Variants in ZNF383 observed in about 807,000 individuals in gnomAD.
ZNF383 encodes zinc finger protein 383.
A neutral mutation model predicts 44.2 loss-of-function variants in ZNF383; 32 were observed. The ratio of observed to expected loss-of-function variants is 0.72; its 90% CI spans 0.55 to 0.97. ZNF383 has a LOEUF of 0.97. ZNF383 is among the 50% of genes least tolerant of loss of function. The pLI, the probability that ZNF383 is intolerant of heterozygous loss-of-function variation, is 0.00. For synonymous variants in ZNF383, 155 were observed against 186.2 expected (o/e 0.83, Z 1.36); for missense variants, 487 against 562.5 (o/e 0.87, Z 1.36).
intron 3 of ZNF383, among the ~76,000 whole-genome samples, chr19:37,234,498 C>T (rs980509038): frequency 1.3e-5 from 2 of 152,188 alleles, no homozygotes; most frequent in African/African-American, 4.8e-5. Flanking sequence ...ACGCCACTCT[C>T]CTGCCTCAGC....
chr19:37,229,444 G>C (rs566520502), intron 2 of ZNF383, among the ~76,000 whole-genome samples: 1 of 146,652 alleles, frequency 6.8e-6, no homozygotes, highest in African/African-American at 2.5e-5. Context: ...CAGGCTGTGA[G>C]CCACTGCACC....
intron 2 of ZNF383, among the ~76,000 whole-genome samples, chr19:37,227,365 C>T (rs758342134): frequency 5.2e-4 from 79 of 152,142 alleles, no homozygotes; most frequent in Non-Finnish European, 1.5e-4. Flanking sequence ...CAGCCTGCCT[C>T]GGCCTCCCAA....
intron 2 of ZNF383, chr19:37,225,273 T>C (rs1973104326): frequency 6.6e-6 from 1 of 152,014 alleles, no homozygotes. Flanking sequence ...TTTGTATTTT[T>C]AGTAGAGACA....
At chr19:37,221,909 T>C (rs1235078141) in intron 1 of ZNF383, among the ~76,000 whole-genome samples, 2 of 150,450 alleles carry the variant, frequency 1.3e-5, no homozygotes, top group African/African-American at 2.5e-5. Flanking sequence ...TGAGCCAAGA[T>C]TGTGCCACCG....
chr19:37,242,388 TTA>T, intron 5 of ZNF383, 79 bp from the exon 6 acceptor site: 1 of 914,848 alleles, frequency 1.1e-6, no homozygotes, highest in Non-Finnish European at 1.6e-6. Flanking sequence ...TATTCTTACT[TTA>T]ATTTTTCCAT....
intron 5 of ZNF383, among the ~76,000 whole-genome samples, chr19:37,238,093 G>T (rs1973907531): frequency 6.6e-6 from 1 of 151,676 alleles, no homozygotes; most frequent in Admixed American, 6.6e-5. Flanking sequence ...TAACTCCTGG[G>T]TTCAAGCGAT....
rs1974253923 is a variant in ZNF383 at position 37,243,686 on chromosome 19, C to T, written c.*22C>T. 2.1e-6 allele frequency: 3 copies of T among 1,442,622 alleles called. No homozygotes were observed. The highest frequency in any genetic ancestry group is 2.8e-6 in the Non-Finnish European group (3 of 1,080,922). 89.4% of individuals were successfully genotyped at this position (1,442,622 alleles called of 1,614,324 possible). A position where few individuals can be genotyped will look rare whatever the true frequency, so the allele number is the denominator to read the frequency against. ...ATAATAAAAATTAAAGCCCCTGTCA[C>T]CTTCCTCATATTTTAAACCAAAAAT... On this transcript the variant is annotated 3_prime_UTR_variant, in exon 6 of 6. Transcript: ENST00000684119.
intron 5 of ZNF383, among the ~76,000 whole-genome samples, chr19:37,237,574 G>C (rs1036814117): frequency 6.6e-6 from 1 of 152,144 alleles, no homozygotes; most frequent in East Asian, 1.9e-4. Flanking sequence ...GAGGGTAAGA[G>C]AGAAAATGTC....
chr19:37,238,340 C>T (rs1973922919), intron 5 of ZNF383, among the ~76,000 whole-genome samples: 1 of 149,920 alleles, frequency 6.7e-6, no homozygotes. Context: ...CATTTATCTA[C>T]ATGTAACTAA....
chr19:37,222,845 G>A (rs75501761), intron 1 of ZNF383, among the ~76,000 whole-genome samples: 2 of 152,136 alleles, frequency 1.3e-5, no homozygotes, highest in Non-Finnish European at 2.9e-5. Context: ...CTGGGTCATG[G>A]TTTCTGTATA....
Position 37,246,452 on chromosome 19 carries a change from C to CT in ZNF383, c.*2791dup, listed in dbSNP as rs1974377561. On this transcript the variant is annotated 3_prime_UTR_variant, in exon 6 of 6. Coordinates refer to ENST00000684119, the MANE Select transcript of ZNF383 (RefSeq NM_001387601.1). ...TATGTGTGCATAGTCTTTGTTCAGA[C>CT]TTTATCTTTTATGCTACATAAAGAA... 6.6e-6 allele frequency: 1 copy of CT among 152,000 alleles called. No individual in the cohort carries two copies. The highest frequency in any genetic ancestry group is 2.1e-4 in the South Asian group (1 of 4,822). 9.4% of individuals were successfully genotyped at this position (152,000 alleles called of 1,614,324 possible).
chr19:37,231,778 A>T (rs1470107530), intron 3 of ZNF383, among the ~76,000 whole-genome samples: 2 of 152,284 alleles, frequency 1.3e-5, no homozygotes, highest in East Asian at 1.9e-4. Context: ...GGGATGATTC[A>T]TCAATAGGAT....
chr19:37,224,592 A>C (rs1973071127), intron 1 of ZNF383, among the ~76,000 whole-genome samples: 1 of 151,850 alleles, frequency 6.6e-6, no homozygotes, highest in South Asian at 2.1e-4. Context: ...TCACTCTGTC[A>C]CCCAGGCTGG....
At position 37,235,618 on chromosome 19, in the gene ZNF383, C is replaced by G; in HGVS notation, c.79C>G (p.Gln27Glu). 1 of 1,613,958 alleles carries G rather than the reference C, an allele frequency of 6.2e-7. No individual in the cohort carries two copies. Among genetic ancestry groups the G allele is most frequent in the Non-Finnish European group, 8.5e-7 (1 of 1,179,942 alleles). ...QEEWDCLDPV[Q>E]RDLYRDVMLE... The stretch of plus-strand genomic sequence containing the variant: ...GGAGTGGGACTGCCTGGACCCTGTT[C>G]AGAGGGACTTATACAGAGATGTGAT... The change falls in exon 4 of 6, where the codon CAG becomes GAG. Residue 27 changes from glutamine to glutamate, a missense_variant. Physicochemically the swap from Gln to Glu is conservative, Grantham distance 29. Coordinates refer to ENST00000684119, the MANE Select transcript of ZNF383 (RefSeq NM_001387601.1).
intron 3 of ZNF383, among the ~76,000 whole-genome samples, chr19:37,231,148 G>T (rs901979911): frequency 6.6e-6 from 1 of 152,222 alleles, no homozygotes; most frequent in Non-Finnish European, 1.5e-5. Context: ...GGATCACACT[G>T]TCAGAGCTCA....
At chr19:37,233,593 C>T (rs1308076457) in intron 3 of ZNF383, among the ~76,000 whole-genome samples, 1 of 151,386 alleles carries the variant, frequency 6.6e-6, no homozygotes, top group Non-Finnish European at 1.5e-5. Context: ...CCACAACTGG[C>T]TAATTTTTGT....
intron 2 of ZNF383, among the ~76,000 whole-genome samples, chr19:37,229,229 A>T (rs185504630): frequency 1.4e-5 from 2 of 140,288 alleles, no homozygotes; most frequent in Non-Finnish European, 3.0e-5. Context: ...ATCTCGGCTC[A>T]TTGCAGTCTC....
chr19:37,230,584 C>T (rs527572559), intron 3 of ZNF383, 122 bp downstream of exon 3: 237 of 1,087,244 alleles, frequency 2.2e-4, no homozygotes, highest in Admixed American at 9.8e-4. Flanking sequence ...GAATCCTTGT[C>T]CCCATTTTTT....
At chr19:37,232,237 G>C (rs1042245340) in intron 3 of ZNF383, among the ~76,000 whole-genome samples, 1 of 151,948 alleles carries the variant, frequency 6.6e-6, no homozygotes, top group African/African-American at 2.4e-5. Flanking sequence ...ACCACGCCTG[G>C]CTAATTTTTT....
Sources: gnomAD v4.1 joint callset for allele counts (sites outside exome capture counted in the v4.1 genomes callset) on GRCh38, gnomAD v4.1.1 for gene constraint, MANE v1.5 for transcripts, NCBI Gene and HGNC (gene_info 2026-07-23, HGNC 2026-07-21) for gene names.